Variants in TBCA observed in about 807,000 individuals in gnomAD.
The protein encoded by TBCA is tubulin folding cofactor A.
TBCA carries 6 observed loss-of-function variants against 15.8 expected under a neutral mutation model. The observed-to-expected ratio is 0.38, with a 90% CI of 0.21 to 0.75. The LOEUF (loss-of-function observed/expected upper bound fraction) is 0.75. TBCA is among the 30% of genes least tolerant of loss of function. The pLI is 0.46. For missense variants in TBCA, 90 were observed against 131.2 expected, an observed-to-expected ratio of 0.69 and a Z score of 1.53; for synonymous variants, 32 against 42.3, an observed-to-expected ratio of 0.76 and a Z score of 0.94.
At chr5:77,691,572 C>T (rs1745750023) in intron 3 of TBCA, 74 bp from the exon 4 acceptor site, 1 of 1,463,474 alleles carries the variant, frequency 6.8e-7, no homozygotes, top group Middle Eastern at 1.9e-4. Flanking sequence ...TCAAATATTA[C>T]AAACCATTAA....
rs115712999 is a variant in TBCA at position 77,770,627 on chromosome 5, G to A, written c.53+5578C>T. On this transcript the variant is annotated intron_variant, in intron 1 of 3. Coordinates refer to ENST00000380377, the MANE Select transcript of TBCA (RefSeq NM_004607.3). The stretch of plus-strand genomic sequence containing the variant: ...CAGTTCTGTGCTGGGGGAAAAAACT[G>A]AGTATTATTTGGTAACTCTGCTAGA... 9.4e-3 allele frequency among the ~76,000 whole-genome samples: 1,428 copies of A among 151,774 alleles called. 14 individuals are homozygous for A. Among genetic ancestry groups the A allele is most frequent in the Non-Finnish European group, 0.015 (1,040 of 67,940 alleles).
intron 1 of TBCA, 62 bp from the exon 2 acceptor site, chr5:77,708,409 CTG>C: frequency 1.0e-6 from 1 of 955,196 alleles, no homozygotes; most frequent in Admixed American, 2.4e-5. Context: ...AAGAAAGAAA[CTG>C]TGTAAATATA....
intron 1 of TBCA, among the ~76,000 whole-genome samples, chr5:77,749,936 T>C (rs1266013064): frequency 3.3e-5 from 5 of 152,178 alleles, no homozygotes; most frequent in Non-Finnish European, 7.3e-5. Context: ...AAAAAGTATC[T>C]AGAAAGTATA....
At position 77,722,690 on chromosome 5, in the gene TBCA, A is replaced by G. The variant is rs77773067; in HGVS notation, c.54-14343T>C. Among the ~76,000 whole-genome samples, 586 of 152,106 alleles carry G rather than the reference A, an allele frequency of 3.9e-3. 4 individuals carry two copies. Among genetic ancestry groups the G allele is most frequent in the African/African-American group, 0.012 (495 of 41,548 alleles). Reference sequence around the variant, plus strand: ...ATTAAGAGCTAGTGAACCAGATTCCATCAACTTGGAATCCAAAATGATGAA... The same window carrying G: ...ATTAAGAGCTAGTGAACCAGATTCCGTCAACTTGGAATCCAAAATGATGAA... On this transcript the variant is annotated intron_variant, in intron 1 of 3. Coordinates refer to ENST00000380377, the MANE Select transcript of TBCA (RefSeq NM_004607.3).
chr5:77,729,468 G>C (rs1387166236), intron 1 of TBCA, among the ~76,000 whole-genome samples: 2 of 152,152 alleles, frequency 1.3e-5, no homozygotes, highest in Non-Finnish European at 2.9e-5. Context: ...AAGAGAATTA[G>C]ATAAATGGAA....
chr5:77,751,955 G>A (rs1747353112), intron 1 of TBCA, among the ~76,000 whole-genome samples: 1 of 152,132 alleles, frequency 6.6e-6, no homozygotes, highest in African/African-American at 2.4e-5. Flanking sequence ...AAGATCAGAT[G>A]AGCCAGTTTA....
intron 1 of TBCA, chr5:77,715,308 A>G (rs1211661486): frequency 8.5e-6 from 6 of 701,946 alleles, no homozygotes; most frequent in Non-Finnish European, 1.6e-5. Context: ...CCTTGTCAAC[A>G]TAATCCCTAA....
chr5:77,763,920 C>T (rs1747712782), intron 1 of TBCA, among the ~76,000 whole-genome samples: 1 of 152,226 alleles, frequency 6.6e-6, no homozygotes, highest in Middle Eastern at 3.4e-3. Flanking sequence ...ACATAATTAA[C>T]AGAGACATGA....
intron 1 of TBCA, among the ~76,000 whole-genome samples, chr5:77,758,986 G>T (rs1033315508): frequency 6.6e-6 from 1 of 152,286 alleles, no homozygotes; most frequent in Non-Finnish European, 1.5e-5. Flanking sequence ...GGCACCAACT[G>T]CCGATTATCA....
intron 1 of TBCA, among the ~76,000 whole-genome samples, chr5:77,772,601 G>A (rs1747940370): frequency 6.6e-6 from 1 of 152,042 alleles, no homozygotes; most frequent in African/African-American, 2.4e-5. Context: ...GAGTTAGATG[G>A]TGATATACCA....
chr5:77,724,405 T>A (rs1421522198), intron 1 of TBCA, among the ~76,000 whole-genome samples: 1 of 152,074 alleles, frequency 6.6e-6, no homozygotes, highest in African/African-American at 2.4e-5. Context: ...CACACCTATA[T>A]TTTACACAAC....
chr5:77,746,783 A>G (rs978996372), intron 1 of TBCA, among the ~76,000 whole-genome samples: 2 of 152,130 alleles, frequency 1.3e-5, no homozygotes, highest in South Asian at 2.1e-4. Context: ...CAAAGCCCCA[A>G]ATTTCTGGTA....
intron 1 of TBCA, among the ~76,000 whole-genome samples, chr5:77,728,553 A>T (rs34238966): frequency 0.11 from 16,244 of 152,230 alleles, 936 homozygotes; most frequent in Middle Eastern, 0.13. Flanking sequence ...CATAAACCTC[A>T]ACAACTTGAT....
At chr5:77,721,615 C>T (rs1197200515) in intron 1 of TBCA, among the ~76,000 whole-genome samples, 1 of 152,060 alleles carries the variant, frequency 6.6e-6, no homozygotes, top group Non-Finnish European at 1.5e-5. Flanking sequence ...TACTTTACCA[C>T]ATCAAAATTT....
In TBCA at chr5:77,707,228, G is replaced by T. The variant is rs6453347; in HGVS notation, c.159+1014C>A. Among the ~76,000 whole-genome samples the T allele has an allele frequency of 1.6e-3, 249 of 152,264 alleles. 2 individuals are homozygous for T. The highest frequency in any genetic ancestry group is 5.6e-3 in the African/African-American group (231 of 41,570). On this transcript the variant is annotated intron_variant, in intron 2 of 3. Coordinates refer to ENST00000380377, the MANE Select transcript of TBCA (RefSeq NM_004607.3). ...AGTGGTACAGGTACAGATGCAGATA[G>T]GTTGACAGATTTTGTCGTAAGAATA...
chr5:77,738,919 AC>A (rs900201090), intron 1 of TBCA, among the ~76,000 whole-genome samples: 1 of 152,044 alleles, frequency 6.6e-6, no homozygotes, highest in Non-Finnish European at 1.5e-5. Flanking sequence ...CTGTTTCCAA[AC>A]TGCTGGTTGT....
At chr5:77,722,378 T>C (rs1746546570) in intron 1 of TBCA, among the ~76,000 whole-genome samples, 1 of 152,092 alleles carries the variant, frequency 6.6e-6, no homozygotes, top group Non-Finnish European at 1.5e-5. Context: ...AACTGCTTTC[T>C]TTTATAGAGG....
intron 1 of TBCA, among the ~76,000 whole-genome samples, chr5:77,743,019 G>T (rs758827937): frequency 2.6e-5 from 4 of 152,118 alleles, no homozygotes; most frequent in Non-Finnish European, 5.9e-5. Context: ...ATTTTACCCA[G>T]TCCCATGCCA....
At chr5:77,705,729 G>A (rs1746135315) in intron 2 of TBCA, 4 of 394,918 alleles carry the variant, frequency 1.0e-5, no homozygotes, top group Non-Finnish European at 4.5e-6. Context: ...TCTGGAGGCT[G>A]AGGTGGGAGG....
Sources: allele counts gnomAD v4.1 joint callset (sites outside exome capture counted in the v4.1 genomes callset), GRCh38; gene constraint gnomAD v4.1.1; transcripts MANE v1.5; gene names NCBI Gene and HGNC (gene_info 2026-07-23, HGNC 2026-07-21).